The following GALNT10 variants were observed in gnomAD, a reference collection of about 807,000 sequenced individuals.
The protein encoded by GALNT10 is GalNAc transferase 10.
GALNT10 carries 41 observed loss-of-function variants against 75.0 expected under a neutral mutation model. The ratio of observed to expected loss-of-function variants is 0.55; its 90% CI spans 0.43 to 0.71. GALNT10 has a LOEUF of 0.71. GALNT10 is among the 30% of genes least tolerant of loss of function. The pLI is 0.00. For missense variants in GALNT10, 727 were observed against 818.5 expected (o/e 0.89, Z 1.36); for synonymous variants, 302 against 313.0 (o/e 0.96, Z 0.37).
At chr5:154,263,989 G>A (rs73281445) in intron 1 of GALNT10, among the ~76,000 whole-genome samples, 27,391 of 151,998 alleles carry the variant, frequency 0.18, 2,643 homozygotes, top group African/African-American at 0.22. Context: ...GCTTTAAAAG[G>A]GTAAATTTTG....
intron 1 of GALNT10, among the ~76,000 whole-genome samples, chr5:154,191,615 AATGTAAAGATC>A (rs1006230418): frequency 6.6e-6 from 1 of 152,132 alleles, no homozygotes; most frequent in Non-Finnish European, 1.5e-5. Flanking sequence ...TTCCTTGCAG[AATGTAAAGATC>A]ATGCTCCCTT....
intron 1 of GALNT10, among the ~76,000 whole-genome samples, chr5:154,251,694 G>A (rs570306211): frequency 2.5e-4 from 38 of 152,212 alleles, no homozygotes; most frequent in Non-Finnish European, 4.1e-4. Context: ...TGACTGCCTT[G>A]CTCTCTGCTG....
chr5:154,282,241 C>T (rs1263869171), intron 1 of GALNT10, among the ~76,000 whole-genome samples: 1 of 152,190 alleles, frequency 6.6e-6, no homozygotes, highest in Admixed American at 6.5e-5. Context: ...ATCCATTCGT[C>T]AGGGCAGAGC....
At chr5:154,216,501 C>T (rs1236043810) in intron 1 of GALNT10, among the ~76,000 whole-genome samples, 1 of 152,182 alleles carries the variant, frequency 6.6e-6, no homozygotes, top group African/African-American at 2.4e-5. Context: ...ATGTAAGCTG[C>T]AAGCTGTTGT....
In GALNT10 at chr5:154,377,852, GA is replaced by G. The variant is rs1054349656; in HGVS notation, c.754+1401del. Among the ~76,000 whole-genome samples, 221 of 139,998 alleles carry G rather than the reference GA, an allele frequency of 1.6e-3. 1 individual carries two copies. Among genetic ancestry groups the G allele is most frequent in the African/African-American group, 4.7e-3 (179 of 38,242 alleles). The allele number at this position is 139,998 out of a possible 152,430, so 91.8% of individuals were successfully genotyped here. ...CTGCATTTACCTCTCATTACTGAAA[GA>G]AAAAAAAAAAGAAAAAAGCCTCACC... is the stretch of plus-strand genomic sequence containing the variant. On this transcript the variant is annotated intron_variant, in intron 5 of 11. Coordinates refer to ENST00000297107, the MANE Select transcript of GALNT10 (RefSeq NM_198321.4).
intron 1 of GALNT10, among the ~76,000 whole-genome samples, chr5:154,211,498 T>C (rs759148399): frequency 4.6e-5 from 7 of 152,234 alleles, no homozygotes; most frequent in Non-Finnish European, 5.9e-5. Context: ...AAACTGTGAC[T>C]TTCCTGTTGT....
chr5:154,236,823 A>G (rs1225327906), intron 1 of GALNT10, among the ~76,000 whole-genome samples: 2 of 152,200 alleles, frequency 1.3e-5, no homozygotes, highest in Non-Finnish European at 2.9e-5. Context: ...AGGGTGGTTG[A>G]TGGATGGGGC....
chr5:154,391,119 G>A (rs1305052199), intron 7 of GALNT10, among the ~76,000 whole-genome samples: 1 of 152,216 alleles, frequency 6.6e-6, no homozygotes, highest in African/African-American at 2.4e-5. Context: ...AGGACCCTGT[G>A]GAAAGACTGC....
At chr5:154,360,322 A>T (rs1253360551) in intron 4 of GALNT10, among the ~76,000 whole-genome samples, 1 of 151,994 alleles carries the variant, frequency 6.6e-6, no homozygotes, top group Non-Finnish European at 1.5e-5. Context: ...ATGGTGGCAC[A>T]TGCCTGTAAT....
In GALNT10 at chr5:154,303,536, C is replaced by T. The variant is rs1754389545; in HGVS notation, c.401+5457C>T. Among the ~76,000 whole-genome samples, 3 of 152,270 alleles carry T rather than the reference C, an allele frequency of 2.0e-5. No individual in the cohort carries two copies. The South Asian group carries it at 6.2e-4, about 32-fold the overall frequency. ...TAGGGAACAGTGCATAGTGCTCACT[C>T]AGGGCCAAAAATAGTTCCTCTTCCC... is the stretch of plus-strand genomic sequence containing the variant. On this transcript the variant is annotated intron_variant, in intron 3 of 11. Coordinates refer to ENST00000297107, the MANE Select transcript of GALNT10 (RefSeq NM_198321.4).
intron 6 of GALNT10, among the ~76,000 whole-genome samples, chr5:154,385,068 G>C (rs1430493448): frequency 1.3e-5 from 2 of 152,220 alleles, no homozygotes; most frequent in Non-Finnish European, 2.9e-5. Flanking sequence ...CAGCTTTTGG[G>C]TTGACTAAGA....
chr5:154,335,076 C>T (rs1362638201), intron 4 of GALNT10, among the ~76,000 whole-genome samples: 2 of 152,238 alleles, frequency 1.3e-5, no homozygotes, highest in African/African-American at 4.8e-5. Flanking sequence ...TAGTTTGCTT[C>T]TGACACCACC....
At position 154,239,872 on chromosome 5, in the gene GALNT10, A is replaced by G. The variant is rs139903633; in HGVS notation, c.159+48847A>G. ...CCAGACCTTCTGCTCATAGATTGAT[A>G]TCCATGACTCTTGTTGATTCCTCAT... is the stretch of plus-strand genomic sequence containing the variant. On this transcript the variant is annotated intron_variant, in intron 1 of 11. Transcript: ENST00000297107. Among the ~76,000 whole-genome samples, 588 of 152,298 alleles carry G rather than the reference A, an allele frequency of 3.9e-3. 9 individuals carry two copies. Among genetic ancestry groups the G allele is most frequent in the African/African-American group, 0.013 (558 of 41,558 alleles).
intron 7 of GALNT10, among the ~76,000 whole-genome samples, chr5:154,399,134 T>A (rs574202994): frequency 6.3e-4 from 96 of 151,992 alleles, no homozygotes; most frequent in African/African-American, 2.2e-3. Flanking sequence ...CAGGCATTGG[T>A]GGTATGAGGA....
chr5:154,215,306 C>A (rs1458589581), intron 1 of GALNT10, among the ~76,000 whole-genome samples: 2 of 152,208 alleles, frequency 1.3e-5, no homozygotes, highest in African/African-American at 2.4e-5. Context: ...CACAGTGAAA[C>A]CCCGTCTCTA....
chr5:154,328,992 T>C (rs1175309948), intron 3 of GALNT10, among the ~76,000 whole-genome samples: 1 of 152,012 alleles, frequency 6.6e-6, no homozygotes, highest in Non-Finnish European at 1.5e-5. Flanking sequence ...GGCTGAAAGT[T>C]CCAAGCTTCT....
intron 1 of GALNT10, among the ~76,000 whole-genome samples, chr5:154,219,844 A>T (rs1211197319): frequency 2.7e-4 from 41 of 149,282 alleles, no homozygotes; most frequent in African/African-American, 9.6e-4. Flanking sequence ...TCTCTCACAC[A>T]CACACACACA....
In GALNT10 at chr5:154,376,571, A is replaced by G; in HGVS notation, c.754+109A>G. 1 of 691,782 alleles carries G rather than the reference A, an allele frequency of 1.4e-6. No homozygotes were observed. The highest frequency in any genetic ancestry group is 2.8e-5 in the East Asian group (1 of 35,454). 42.9% of individuals were successfully genotyped at this position (691,782 alleles called of 1,614,324 possible). ...ATAAGCCTTCCCTTGCCTGTTCGAG[A>G]TGCCCCCAGCACAATGCCAGGTGCC... On this transcript the variant is annotated intron_variant, in intron 5 of 11. Coordinates refer to ENST00000297107, the MANE Select transcript of GALNT10 (RefSeq NM_198321.4). This position sits in a 1 kb window ranked among gnomAD's most constrained non-coding sequence, Gnocchi z 4.1.
chr5:154,390,781 T>TTTTCTC, intron 7 of GALNT10, among the ~76,000 whole-genome samples: 1 of 152,328 alleles, frequency 6.6e-6, no homozygotes, highest in East Asian at 1.9e-4. Context: ...CAAAATGATT[T>TTTTCTC]CATTCTATGT....
Sources: gnomAD v4.1 joint callset for allele counts (sites outside exome capture counted in the v4.1 genomes callset) on GRCh38, gnomAD v4.1.1 for gene constraint, Gnocchi (gnomAD v3.1) non-coding constraint, MANE v1.5 for transcripts, NCBI Gene and HGNC (gene_info 2026-07-23, HGNC 2026-07-21) for gene names.